CMIP: variants seen among roughly 807,000 people sequenced by gnomAD.
The protein encoded by CMIP is c-Maf inducing protein.
Under a neutral mutation model 97.3 loss-of-function variants are expected in CMIP, and 13 were observed. The ratio of observed to expected loss-of-function variants is 0.13; its 90% CI spans 0.09 to 0.21. The LOEUF is 0.21. Ranked by LOEUF, CMIP falls within the 10% of genes least tolerant of loss-of-function variation. The pLI, the probability that CMIP is intolerant of heterozygous loss-of-function variation, is 1.00. For synonymous variants in CMIP, 538 were observed against 436.3 expected (o/e 1.23, Z -2.91); for missense variants, 847 against 1,024.9 (o/e 0.83, Z 2.37).
chr16:81,643,901 G>A (rs956151558), intron 3 of CMIP, among the ~76,000 whole-genome samples: 2 of 152,208 alleles, frequency 1.3e-5, no homozygotes, highest in Admixed American at 6.5e-5. Context: ...GCCCCCTGGT[G>A]CCTCAGACAG....
At chr16:81,493,774 G>A (rs2089443388) in intron 1 of CMIP, among the ~76,000 whole-genome samples, 1 of 152,240 alleles carries the variant, frequency 6.6e-6, no homozygotes, top group Non-Finnish European at 1.5e-5. Context: ...CACAGCTGAG[G>A]AGACCAGAGC....
chr16:81,615,443 CTGTA>C (rs770003835), intron 2 of CMIP, among the ~76,000 whole-genome samples: 379 of 118,420 alleles, frequency 3.2e-3, no homozygotes, highest in Non-Finnish European at 4.7e-3. Context: ...ACATTTGTAA[CTGTA>C]TGGTGTGTGT....
chr16:81,618,850 G>C (rs2091956236), intron 2 of CMIP: 1 of 152,268 alleles, frequency 6.6e-6, no homozygotes. Context: ...TGCTGAGGAA[G>C]CACTTTTCAT....
Position 81,445,539 on chromosome 16 carries a change from A to G in CMIP, c.298A>G (p.Thr100Ala). The change falls in exon 1 of 21, where the codon ACG (threonine) becomes GCG (alanine). Residue 100 changes from threonine to alanine, a missense_variant and splice_region_variant. By Grantham distance (58) the Thr-to-Ala change is moderately conservative. This residue lies in a region of CMIP where 285 missense variants were observed against 392.2 expected (regional missense o/e 0.73). Transcript: ENST00000537098. ...GGCCGACAACAGCCTGGCGTCCGCC[A>G]CGGTGAGTGGCTCTGCGCGGCTGCA... ...TLADNSLASA[T>A]PTGYMENSVS... is the part of the protein sequence containing the mutation. 6.5e-7 allele frequency: 1 copy of G among 1,545,998 alleles called. No individual in the cohort carries two copies. Among genetic ancestry groups the G allele is most frequent in the Non-Finnish European group, 8.7e-7 (1 of 1,146,418 alleles).
At position 81,444,817 on chromosome 16, in the gene CMIP, C is replaced by G. The variant is rs1260788026; in HGVS notation, c.-425C>G. Among the ~76,000 whole-genome samples, 1 of 145,274 alleles carries G rather than the reference C, an allele frequency of 6.9e-6. No homozygotes were observed. Among genetic ancestry groups the G allele is most frequent in the Non-Finnish European group, 1.5e-5 (1 of 65,330 alleles). On this transcript the variant is annotated 5_prime_UTR_variant, in exon 1 of 21. Transcript: ENST00000537098. ...CGCCCCGCCCGCGGCCACTCTCGCC[C>G]GGACGGCCGCGCGGACACACGCTCT...
At chr16:81,670,296 C>G in intron 8 of CMIP, 51 bp downstream of exon 8, 1 of 1,548,132 alleles carries the variant, frequency 6.5e-7, no homozygotes, top group Non-Finnish European at 8.8e-7. Flanking sequence ...ACTTTCCTCT[C>G]GGATCCTGTT....
At chr16:81,658,073 G>T (rs190941827) in intron 5 of CMIP, among the ~76,000 whole-genome samples, 54 of 152,282 alleles carry the variant, frequency 3.5e-4, no homozygotes, top group African/African-American at 1.3e-3. Flanking sequence ...CCTCCTTCCT[G>T]CGTCTCTGCC....
chr16:81,610,526 C>G (rs1224503843), intron 2 of CMIP: 2 of 985,442 alleles, frequency 2.0e-6, no homozygotes, highest in Admixed American at 6.1e-5. Flanking sequence ...AACCCTTCCC[C>G]CAAGGGGAAC....
chr16:81,465,935 G>A (rs73588559), intron 1 of CMIP, among the ~76,000 whole-genome samples: 212 of 152,368 alleles, frequency 1.4e-3, no homozygotes, highest in African/African-American at 4.9e-3. Flanking sequence ...CAGTCGGGGA[G>A]ACAACCCTTG....
intron 1 of CMIP, 54 bp downstream of exon 1, chr16:81,445,595 C>T (rs1905780404): frequency 1.3e-6 from 2 of 1,504,536 alleles, no homozygotes; most frequent in East Asian, 2.5e-5. Context: ...CCGAGATGCG[C>T]CCTCCCTGGC....
chr16:81,687,006 G>A (rs373789034), intron 10 of CMIP, among the ~76,000 whole-genome samples: 32 of 152,226 alleles, frequency 2.1e-4, no homozygotes, highest in African/African-American at 7.7e-4. Context: ...ACTGGACAAG[G>A]GTTCAGATCC....
intron 1 of CMIP, among the ~76,000 whole-genome samples, chr16:81,549,637 C>T (rs1245838939): frequency 2.0e-5 from 3 of 152,092 alleles, no homozygotes; most frequent in Admixed American, 2.0e-4. Flanking sequence ...ATTTATTTGT[C>T]TTTGGAAATT....
rs1173992174 is a variant in CMIP, at chr16:81,693,448, G to A, written c.1491G>A (p.Lys497=). 19 of 1,612,478 alleles carry A rather than the reference G, an allele frequency of 1.2e-5. No individual in the cohort carries two copies. The highest frequency in any genetic ancestry group is 1.5e-5 in the Non-Finnish European group (18 of 1,179,280). The change falls in exon 13 of 21, where the codon AAG becomes AAA. Residue 497 remains lysine, a synonymous_variant. Transcript: ENST00000537098. The part of the protein sequence containing the change: ...LAHEKFTKEL[K]YVIQRFAEDP... The stretch of plus-strand genomic sequence containing the variant: ...GCCTCGTCTCTTCCAGGGAACTGAA[G>A]TACGTGATTCAGAGGTTCGCCGAAG...
intron 1 of CMIP, among the ~76,000 whole-genome samples, chr16:81,572,714 TGCCCTGGTG>T (rs1344968870): frequency 6.6e-6 from 1 of 152,212 alleles, no homozygotes; most frequent in African/African-American, 2.4e-5. Context: ...TGGCCCTGCT[TGCCCTGGTG>T]GCCCACAGTC....
intron 1 of CMIP, among the ~76,000 whole-genome samples, chr16:81,526,187 A>G (rs990466918): frequency 2.0e-5 from 3 of 152,216 alleles, no homozygotes; most frequent in Non-Finnish European, 4.4e-5. Context: ...CGTCAGGAGT[A>G]AAACAAAAGG....
rs1056170306 is a variant in CMIP, at chr16:81,455,986, G to T, written c.300+10445G>T. Among the ~76,000 whole-genome samples, 3 of 152,256 alleles carry T rather than the reference G, an allele frequency of 2.0e-5. No homozygotes were observed. In the East Asian group the frequency reaches 5.8e-4, roughly 29 times the overall value. On this transcript the variant is annotated intron_variant, in intron 1 of 20. Coordinates refer to ENST00000537098, the MANE Select transcript of CMIP (RefSeq NM_198390.3). ...TCTTGTCTGCAGTGGGGGAAGTGCAGTGGGGTCTCAGCTGGCAGGTTACAG... is the reference window on the plus strand; with the variant it reads ...TCTTGTCTGCAGTGGGGGAAGTGCATTGGGGTCTCAGCTGGCAGGTTACAG...
chr16:81,657,658 C>A, intron 4 of CMIP, 117 bp from the exon 5 acceptor site: 2 of 796,538 alleles, frequency 2.5e-6, no homozygotes, highest in South Asian at 1.9e-5. Flanking sequence ...ATGACAGTGA[C>A]AGTTGGTCTG....
chr16:81,563,785 G>C (rs2090930097), intron 1 of CMIP, among the ~76,000 whole-genome samples: 1 of 152,224 alleles, frequency 6.6e-6, no homozygotes, highest in Admixed American at 6.5e-5. Context: ...ACAGATCAAT[G>C]TCTAGAAAAG....
At chr16:81,466,043 GT>G (rs11308286) in intron 1 of CMIP, among the ~76,000 whole-genome samples, 99,802 of 150,910 alleles carry the variant, frequency 0.66, 33,313 homozygotes, top group East Asian at 0.77. Flanking sequence ...GTTTTCATTT[GT>G]TTTTTTTTTA....
Sources: allele counts gnomAD v4.1 joint callset (sites outside exome capture counted in the v4.1 genomes callset), GRCh38; gene constraint gnomAD v4.1.1; regional missense constraint gnomAD v4.1.1; transcripts MANE v1.5; gene names NCBI Gene and HGNC (gene_info 2026-07-23, HGNC 2026-07-21).